The following MAPK8 variants were observed in gnomAD, a reference collection of about 807,000 sequenced individuals.
The protein encoded by MAPK8 is mitogen-activated protein kinase 8.
A neutral mutation model predicts 52.9 loss-of-function variants in MAPK8; 13 were observed. The ratio of observed to expected loss-of-function variants is 0.25; its 90% CI spans 0.16 to 0.39. MAPK8 has a LOEUF of 0.39. Among genes scored for constraint, MAPK8 ranks in the 10% least tolerant of loss-of-function variants. The pLI, the probability that MAPK8 is intolerant of heterozygous loss-of-function variation, is 1.00. For missense variants in MAPK8, 300 were observed against 519.2 expected (o/e 0.58, Z 4.10); for synonymous variants, 191 against 169.8 (o/e 1.12, Z -0.97).
rs2044999187 is a variant in MAPK8 at position 48,438,060 on chromosome 10, A to T, written c.*3031A>T. ...AAGACTTAACTATTCAGTGTTGCCTAGGCATTCGCCTGCACAACATTTTGA... is the reference window on the plus strand; with the variant it reads ...AAGACTTAACTATTCAGTGTTGCCTTGGCATTCGCCTGCACAACATTTTGA... On this transcript the variant is annotated 3_prime_UTR_variant, in exon 12 of 12. Coordinates refer to ENST00000374189, the MANE Select transcript of MAPK8 (RefSeq NM_001323329.2). The T allele has an allele frequency of 6.6e-6, 1 of 152,280 alleles. No individual in the cohort carries two copies. Among genetic ancestry groups the T allele is most frequent in the Non-Finnish European group, 1.5e-5 (1 of 68,052 alleles). The allele number at this position is 152,280 out of a possible 1,614,324, so 9.4% of individuals were successfully genotyped here.
chr10:48,348,568 G>A (rs948894394), intron 1 of MAPK8, among the ~76,000 whole-genome samples: 7 of 152,126 alleles, frequency 4.6e-5, no homozygotes, highest in Non-Finnish European at 8.8e-5. Flanking sequence ...TTTGTATAAG[G>A]TGTAAGGAAG....
At chr10:48,318,478 G>A (rs1325176692) in intron 1 of MAPK8, among the ~76,000 whole-genome samples, 1 of 152,178 alleles carries the variant, frequency 6.6e-6, no homozygotes, top group East Asian at 1.9e-4. Flanking sequence ...TTATTGTGTG[G>A]TGGTGGTTGA....
chr10:48,342,165 G>A lies in MAPK8; in HGVS notation c.-50+35344G>A, dbSNP rs541148377. ...GTTGCTTAGGCTGCAGTGCAGTGGC[G>A]CTGTCACGGCTGATCACAGCCTCAA... On this transcript the variant is annotated intron_variant, in intron 1 of 11. Coordinates refer to ENST00000374189, the MANE Select transcript of MAPK8 (RefSeq NM_001323329.2). Among the ~76,000 whole-genome samples the A allele has an allele frequency of 5.9e-5, 9 of 152,272 alleles. No individual in the cohort carries two copies. The South Asian group carries it at 1.2e-3, about 21-fold the overall frequency.
chr10:48,341,541 A>G (rs1377841293), intron 1 of MAPK8, among the ~76,000 whole-genome samples: 1 of 152,246 alleles, frequency 6.6e-6, no homozygotes, highest in African/African-American at 2.4e-5. Flanking sequence ...AGCATTTTGG[A>G]TAAAAGATAC....
At chr10:48,358,036 C>G (rs1847148878) in intron 1 of MAPK8, among the ~76,000 whole-genome samples, 1 of 152,224 alleles carries the variant, frequency 6.6e-6, no homozygotes. Flanking sequence ...TTGTTTCTAT[C>G]TACCACATTT....
In MAPK8 at chr10:48,329,517, T is replaced by TA. The variant is rs397814434; in HGVS notation, c.-50+22706dup. Among the ~76,000 whole-genome samples the TA allele has an allele frequency of 7.2e-3, 1,076 of 149,966 alleles. 3 individuals carry two copies. The highest frequency in any genetic ancestry group is 9.3e-3 in the African/African-American group (378 of 40,856). On this transcript the variant is annotated intron_variant, in intron 1 of 11. Transcript: ENST00000374189. ...AAAAAGATGAGGCCTCCTTTTTTTT[T>TA]AAAAAAAAAATTAAATTCATTTAGA...
intron 1 of MAPK8, among the ~76,000 whole-genome samples, chr10:48,332,104 A>G (rs1403285568): frequency 6.6e-6 from 1 of 152,206 alleles, no homozygotes; most frequent in African/African-American, 2.4e-5. Flanking sequence ...AAATCTAGGT[A>G]CAGTCTGTTC....
chr10:48,365,195 G>A (rs1847917493), intron 1 of MAPK8, among the ~76,000 whole-genome samples: 2 of 152,106 alleles, frequency 1.3e-5, no homozygotes, highest in Admixed American at 1.3e-4. Flanking sequence ...CAGGAAATAT[G>A]GCTGTTTGCC....
chr10:48,417,580 A>G (rs1173877852), intron 5 of MAPK8, among the ~76,000 whole-genome samples: 5 of 152,192 alleles, frequency 3.3e-5, no homozygotes, highest in Non-Finnish European at 7.3e-5. Flanking sequence ...AGGTTTCAGC[A>G]TCTAAACTGA....
intron 1 of MAPK8, among the ~76,000 whole-genome samples, chr10:48,349,646 T>C (rs1455644911): frequency 6.6e-6 from 1 of 152,152 alleles, no homozygotes; most frequent in Non-Finnish European, 1.5e-5. Context: ...TTTATAGCAC[T>C]AAATGCCCAC....
intron 1 of MAPK8, among the ~76,000 whole-genome samples, chr10:48,319,873 T>G (rs925354551): frequency 2.0e-5 from 3 of 152,126 alleles, no homozygotes; most frequent in Non-Finnish European, 4.4e-5. Context: ...ATGATGTTTT[T>G]AAGGTTCATG....
intron 1 of MAPK8, among the ~76,000 whole-genome samples, chr10:48,366,859 C>G (rs1368886109): frequency 1.3e-5 from 2 of 151,832 alleles, no homozygotes; most frequent in African/African-American, 4.8e-5. Context: ...TTTATTAGTG[C>G]AGTTTAGTAG....
At chr10:48,395,760 A>G (rs987680281) in intron 1 of MAPK8, among the ~76,000 whole-genome samples, 13 of 152,104 alleles carry the variant, frequency 8.5e-5, no homozygotes, top group Non-Finnish European at 1.5e-4. Context: ...CATTATACTC[A>G]GGACACTGTG....
At chr10:48,394,622 A>G (rs891570047) in intron 1 of MAPK8, among the ~76,000 whole-genome samples, 1 of 151,958 alleles carries the variant, frequency 6.6e-6, no homozygotes, top group Non-Finnish European at 1.5e-5. Flanking sequence ...GTAAAATCCT[A>G]TAATATATAT....
intron 1 of MAPK8, among the ~76,000 whole-genome samples, chr10:48,313,549 C>T (rs1006616060): frequency 1.3e-5 from 2 of 152,338 alleles, no homozygotes; most frequent in Non-Finnish European, 1.5e-5. Flanking sequence ...TGCTACGTCT[C>T]GTCAGGTTTT....
intron 1 of MAPK8, among the ~76,000 whole-genome samples, chr10:48,336,515 G>T (rs1844704538): frequency 6.6e-6 from 1 of 152,072 alleles, no homozygotes; most frequent in Non-Finnish European, 1.5e-5. Flanking sequence ...ATATCTCAAG[G>T]TGCTTTATAT....
At chr10:48,385,990 G>A (rs147017840) in intron 1 of MAPK8, among the ~76,000 whole-genome samples, 4 of 151,950 alleles carry the variant, frequency 2.6e-5, no homozygotes, top group East Asian at 1.9e-4. Context: ...TCATAATTAC[G>A]TTGCTAGCAA....
At chr10:48,362,293 A>G (rs1847604615) in intron 1 of MAPK8, among the ~76,000 whole-genome samples, 1 of 151,996 alleles carries the variant, frequency 6.6e-6, no homozygotes, top group Admixed American at 6.6e-5. Context: ...AGTGAAAATT[A>G]CCTTTTTTCA....
chr10:48,397,186 T>A (rs181491466), intron 1 of MAPK8, among the ~76,000 whole-genome samples: 64 of 152,188 alleles, frequency 4.2e-4, no homozygotes, highest in African/African-American at 1.4e-3. Flanking sequence ...TCTCACTCTG[T>A]TGCCCAGGAT....
Sources: allele counts gnomAD v4.1 joint callset (sites outside exome capture counted in the v4.1 genomes callset), GRCh38; gene constraint gnomAD v4.1.1; transcripts MANE v1.5; gene names NCBI Gene and HGNC (gene_info 2026-07-23, HGNC 2026-07-21).